BCAS1: variants seen among roughly 807,000 people sequenced by gnomAD.
BCAS1 encodes the protein breast carcinoma-amplified sequence 1.
Under a neutral mutation model 65.4 loss-of-function variants are expected in BCAS1, and 46 were observed. The ratio of observed to expected loss-of-function variants is 0.70; its 90% CI spans 0.55 to 0.90. The LOEUF is 0.90. Ranked by LOEUF, BCAS1 falls within the 40% of genes least tolerant of loss-of-function variation. BCAS1 has a pLI of 0.00. For synonymous variants in BCAS1, 298 were observed against 293.5 expected, an observed-to-expected ratio of 1.02 and a Z score of -0.16; for missense variants, 793 against 771.2, an observed-to-expected ratio of 1.03 and a Z score of -0.33.
At chr20:54,051,472 A>G (rs2092211369) in intron 3 of BCAS1, among the ~76,000 whole-genome samples, 2 of 152,164 alleles carry the variant, frequency 1.3e-5, no homozygotes, top group South Asian at 2.1e-4. Context: ...TCTCTTGGGC[A>G]GTATATGGGA....
chr20:53,966,875 A>C (rs755972545), intron 10 of BCAS1, 31 bp downstream of exon 10: 209 of 1,570,494 alleles, frequency 1.3e-4, no homozygotes, highest in Non-Finnish European at 1.7e-4. Context: ...TAGGTATCTT[A>C]GGTTTCCTAT....
At position 53,953,572 on chromosome 20, in the gene BCAS1, T is replaced by A; in HGVS notation, c.1675A>T (p.Ser559Cys). Residue 559 changes from serine (S) to cysteine (C), a missense_variant, in exon 12 of 13, where the codon AGC (serine) becomes TGC (cysteine). Coordinates refer to ENST00000688948, the MANE Select transcript of BCAS1 (RefSeq NM_001366298.2). The part of the protein sequence containing the change: ...KSAAEMNKQK[S>C]NKQEAKEPAQ... ...GGTTCTTTGGCTTCCTGCTTGTTGC[T>A]CTTCTGCTTGTTCATCTCGGCTGCT... 1 of 1,613,904 alleles carries A rather than the reference T, an allele frequency of 6.2e-7. No individual in the cohort carries two copies.
chr20:53,974,195 G>T (rs974046533), intron 9 of BCAS1, among the ~76,000 whole-genome samples: 1 of 152,172 alleles, frequency 6.6e-6, no homozygotes, highest in Admixed American at 6.5e-5. Flanking sequence ...AAATAACGGA[G>T]TAAAAGCTGG....
intron 3 of BCAS1, among the ~76,000 whole-genome samples, chr20:54,055,301 A>G (rs1286490887): frequency 6.6e-6 from 1 of 152,232 alleles, no homozygotes; most frequent in Non-Finnish European, 1.5e-5. Context: ...TGATAAAGAC[A>G]TATCTGAGAC....
At position 53,979,268 on chromosome 20, in the gene BCAS1, C is replaced by T. The variant is rs73140313; in HGVS notation, c.1276-3838G>A. Among the ~76,000 whole-genome samples the T allele has an allele frequency of 3.2e-3, 487 of 152,198 alleles. 1 individual carries two copies. Among genetic ancestry groups the T allele is most frequent in the Non-Finnish European group, 5.6e-3 (384 of 67,996 alleles). Reference sequence around the variant, plus strand: ...AAATGGACCCTAGCAAGAGAATTTACCAGGAGCAATAAGAACTCCAGAATC... The same window carrying T: ...AAATGGACCCTAGCAAGAGAATTTATCAGGAGCAATAAGAACTCCAGAATC... On this transcript the variant is annotated intron_variant, in intron 8 of 12. Transcript: ENST00000688948.
intron 1 of BCAS1, 27 bp from the exon 2 acceptor site, chr20:54,058,750 G>A: frequency 6.2e-7 from 1 of 1,605,180 alleles, no homozygotes; most frequent in Non-Finnish European, 8.5e-7. Context: ...GAGAGGAAGA[G>A]AGAAAGAAAT....
chr20:54,022,339 C>T (rs1406364290), intron 4 of BCAS1, among the ~76,000 whole-genome samples: 1 of 151,998 alleles, frequency 6.6e-6, no homozygotes, highest in Non-Finnish European at 1.5e-5. Flanking sequence ...GATATATTAC[C>T]AACCCCTAAA....
rs1418240158 is a variant in BCAS1, at chr20:53,944,044, C to T, written c.*878G>A. ...TTGTTTTCCCAAATCATTTTAAGCC[C>T]TCCCCAGTCAATCTTTTCCCTCTCA... is the stretch of plus-strand genomic sequence containing the variant. On this transcript the variant is annotated 3_prime_UTR_variant, in exon 13 of 13. Coordinates refer to ENST00000688948, the MANE Select transcript of BCAS1 (RefSeq NM_001366298.2). The T allele has an allele frequency of 6.6e-6, 1 of 151,914 alleles. No individual in the cohort carries two copies. Among genetic ancestry groups the T allele is most frequent in the Non-Finnish European group, 1.5e-5 (1 of 68,000 alleles). The allele number at this position is 151,914 out of a possible 1,614,324, so 9.4% of individuals were successfully genotyped here.
chr20:54,056,447 T>G (rs890782666), intron 3 of BCAS1, among the ~76,000 whole-genome samples: 3 of 152,000 alleles, frequency 2.0e-5, no homozygotes, highest in Non-Finnish European at 4.4e-5. Context: ...TATTGGAGAC[T>G]CCAAAGAAGG....
At position 54,050,610 on chromosome 20, in the gene BCAS1, C is replaced by T. The variant is rs552014069; in HGVS notation, c.142+7475G>A. ...ATATTACAATTTCATGAATGGGATG[C>T]GCTTAGCTCTTAATGCATTACCTCG... is the stretch of plus-strand genomic sequence containing the variant. On this transcript the variant is annotated intron_variant, in intron 3 of 12. Coordinates refer to ENST00000688948, the MANE Select transcript of BCAS1 (RefSeq NM_001366298.2). 9.2e-5 allele frequency among the ~76,000 whole-genome samples: 14 copies of T among 152,288 alleles called. 1 individual carries two copies. The South Asian group carries it at 2.3e-3, about 25-fold the overall frequency.
At chr20:54,065,333 C>G (rs2092426385) in intron 1 of BCAS1, among the ~76,000 whole-genome samples, 1 of 152,138 alleles carries the variant, frequency 6.6e-6, no homozygotes. Context: ...ACGTTTTCTC[C>G]TTGGAAATAT....
intron 11 of BCAS1, among the ~76,000 whole-genome samples, chr20:53,955,428 A>C (rs1484091653): frequency 6.6e-6 from 1 of 152,232 alleles, no homozygotes. Flanking sequence ...ATGAAACAGA[A>C]ACTCTCACCA....
At chr20:53,974,688 G>A (rs995585792) in intron 9 of BCAS1, among the ~76,000 whole-genome samples, 8 of 152,138 alleles carry the variant, frequency 5.3e-5, no homozygotes, top group South Asian at 2.1e-4. Context: ...CAAAGACTGC[G>A]CACTTCTTTC....
At chr20:54,069,824 G>A (rs1531485) in intron 1 of BCAS1, among the ~76,000 whole-genome samples, 55,132 of 152,118 alleles carry the variant, frequency 0.36, 10,747 homozygotes, top group Middle Eastern at 0.51. Context: ...ATCTGGCGGT[G>A]TGGCTGCAGC....
chr20:54,016,824 G>T (rs1568880976), intron 4 of BCAS1, among the ~76,000 whole-genome samples: 1 of 152,172 alleles, frequency 6.6e-6, no homozygotes, highest in South Asian at 2.1e-4. Context: ...CTCTTTTGGG[G>T]AAGAGAGAGG....
intron 4 of BCAS1, among the ~76,000 whole-genome samples, chr20:53,998,496 A>G (rs1298074200): frequency 1.3e-5 from 2 of 152,124 alleles, no homozygotes; most frequent in African/African-American, 2.4e-5. Context: ...GAAAGAGTGG[A>G]GGGGGTGGTG....
intron 10 of BCAS1, among the ~76,000 whole-genome samples, chr20:53,966,111 G>A (rs2090018746): frequency 6.6e-6 from 1 of 152,140 alleles, no homozygotes; most frequent in South Asian, 2.1e-4. Context: ...ATTCGATCCA[G>A]CAATCCCACT....
chr20:53,982,040 T>A (rs2090495792), intron 8 of BCAS1, among the ~76,000 whole-genome samples: 1 of 152,226 alleles, frequency 6.6e-6, no homozygotes, highest in African/African-American at 2.4e-5. Context: ...TATGTACAAT[T>A]ATTGGTTTCT....
intron 1 of BCAS1, chr20:54,068,301 C>G (rs147904153): frequency 6.5e-6 from 1 of 154,500 alleles, no homozygotes; most frequent in African/African-American, 2.4e-5. Context: ...AGAGCTCGCT[C>G]TCATAGTCTT....
Sources: allele counts gnomAD v4.1 joint callset (sites outside exome capture counted in the v4.1 genomes callset), GRCh38; gene constraint gnomAD v4.1.1; transcripts MANE v1.5; gene names NCBI Gene and HGNC (gene_info 2026-07-23, HGNC 2026-07-21).